Variants in BRINP1 observed in about 807,000 individuals in gnomAD.
The protein encoded by BRINP1 is BMP/retinoic acid-inducible neural-specific protein 1.
Under a neutral mutation model 72.9 loss-of-function variants are expected in BRINP1, and 17 were observed. The ratio of observed to expected loss-of-function variants is 0.23; its 90% CI spans 0.16 to 0.35. The LOEUF is 0.35. Among genes scored for constraint, BRINP1 ranks in the 10% least tolerant of loss-of-function variants. The pLI is 1.00. For synonymous variants in BRINP1, 418 were observed against 378.5 expected (o/e 1.10, Z -1.21); for missense variants, 850 against 1,001.6 (o/e 0.85, Z 2.04).
At chr9:119,240,235 C>T (rs1830233826) in intron 4 of BRINP1, among the ~76,000 whole-genome samples, 1 of 152,158 alleles carries the variant, frequency 6.6e-6, no homozygotes, top group South Asian at 2.1e-4. Flanking sequence ...TGCCATTGCA[C>T]TCCAGCCTGG....
In BRINP1 at chr9:119,294,853, T is replaced by TAAAAAAAAAA. The variant is rs59715609; in HGVS notation, c.218+18275_218+18284dup. On this transcript the variant is annotated intron_variant, in intron 2 of 7. Transcript: ENST00000265922. Reference sequence around the variant, plus strand: ...CCTGAGCAACAGAGTGACACTACGTTAAAAAAAAAAAAAAAAAAGACACAC... The same window carrying TAAAAAAAAAA: ...CCTGAGCAACAGAGTGACACTACGTTAAAAAAAAAAAAAAAAAAAAAAAAAAAAGACACAC... 3.1e-5 allele frequency among the ~76,000 whole-genome samples: 4 copies of TAAAAAAAAAA among 128,026 alleles called. No individual in the cohort carries two copies. The East Asian group carries it at 6.8e-4, about 22-fold the overall frequency. The allele number at this position is 128,026 out of a possible 152,430, so 84.0% of individuals were successfully genotyped here.
intron 1 of BRINP1, among the ~76,000 whole-genome samples, chr9:119,343,996 C>A (rs1312506990): frequency 6.6e-6 from 1 of 152,196 alleles, no homozygotes; most frequent in Admixed American, 6.5e-5. Context: ...TCCTCAATCA[C>A]AACCCTTTTA....
At chr9:119,288,708 G>A (rs893801984) in intron 2 of BRINP1, among the ~76,000 whole-genome samples, 2 of 152,184 alleles carry the variant, frequency 1.3e-5, no homozygotes, top group African/African-American at 4.8e-5. Context: ...CACATAGTAG[G>A]TGCTCACTAA....
At chr9:119,191,687 T>C (rs767366044) in intron 7 of BRINP1, among the ~76,000 whole-genome samples, 5 of 151,828 alleles carry the variant, frequency 3.3e-5, no homozygotes, top group Non-Finnish European at 7.4e-5. Context: ...ATTCACACTA[T>C]TCAAAGCAAT....
At chr9:119,223,009 T>C (rs933946890) in intron 5 of BRINP1, among the ~76,000 whole-genome samples, 4 of 152,040 alleles carry the variant, frequency 2.6e-5, no homozygotes, top group African/African-American at 9.7e-5. Flanking sequence ...AATTATTCTC[T>C]TACCCATCTC....
chr9:119,347,980 A>C (rs1469504131), intron 1 of BRINP1, among the ~76,000 whole-genome samples: 1 of 152,136 alleles, frequency 6.6e-6, no homozygotes, highest in Non-Finnish European at 1.5e-5. Flanking sequence ...ATTATCACCC[A>C]AAGTCCATAG....
intron 2 of BRINP1, among the ~76,000 whole-genome samples, chr9:119,255,547 T>C (rs1564230164): frequency 6.6e-6 from 1 of 152,208 alleles, no homozygotes; most frequent in Non-Finnish European, 1.5e-5. Context: ...ATTGCCTGTA[T>C]AGGAATCCTC....
intron 2 of BRINP1, among the ~76,000 whole-genome samples, chr9:119,261,816 T>G (rs969982847): frequency 3.3e-5 from 5 of 151,726 alleles, no homozygotes; most frequent in Non-Finnish European, 7.4e-5. Context: ...CCTTTCTTCC[T>G]TCGTTTATTC....
chr9:119,283,085 G>A (rs76514960), intron 2 of BRINP1: 1 of 985,270 alleles, frequency 1.0e-6, no homozygotes, highest in Non-Finnish European at 1.2e-6. Context: ...AAGAGGACCA[G>A]ACTAGCAGTT....
intron 1 of BRINP1, among the ~76,000 whole-genome samples, chr9:119,328,208 C>G (rs1028323549): frequency 6.6e-6 from 1 of 152,198 alleles, no homozygotes; most frequent in Admixed American, 6.5e-5. Flanking sequence ...GTTTCAAAGG[C>G]TACAGAGTGC....
At chr9:119,239,906 T>C (rs551554255) in intron 4 of BRINP1, among the ~76,000 whole-genome samples, 1 of 152,266 alleles carries the variant, frequency 6.6e-6, no homozygotes, top group East Asian at 1.9e-4. Context: ...CAATTTACTT[T>C]CCTAAAGATA....
intron 2 of BRINP1, among the ~76,000 whole-genome samples, chr9:119,307,059 G>A (rs191930856): frequency 6.6e-6 from 1 of 151,748 alleles, no homozygotes; most frequent in African/African-American, 2.4e-5. Context: ...CTGAAAGTAT[G>A]TTGGATAACT....
chr9:119,242,054 G>A lies in BRINP1; in HGVS notation c.572C>T (p.Ala191Val). Residue 191 changes from alanine (A) to valine (V), a missense_variant, in exon 4 of 8, where the codon GCA becomes GTA. By Grantham distance (64) the Ala-to-Val change is moderately conservative (BLOSUM62 0). Coordinates refer to ENST00000265922, the MANE Select transcript of BRINP1 (RefSeq NM_014618.3). The part of the protein sequence containing the change: ...RLHEIQISTG[A>V]IKVTETRTGP... ...TCCACCCCGGAGCTGTACCTTGATT[G>A]CTCCAGTTGATATCTGGATCTCATG... 4 of 1,613,628 alleles carry A rather than the reference G, an allele frequency of 2.5e-6. No individual in the cohort carries two copies. Among genetic ancestry groups the A allele is most frequent in the Non-Finnish European group, 2.5e-6 (3 of 1,179,930 alleles).
At position 119,278,534 on chromosome 9, in the gene BRINP1, G is replaced by A. The variant is rs895971883; in HGVS notation, c.219-29384C>T. Among the ~76,000 whole-genome samples, 10 of 152,340 alleles carry A rather than the reference G, an allele frequency of 6.6e-5. No homozygotes were observed. The South Asian group carries it at 1.9e-3, about 28-fold the overall frequency. ...TGGATAAAGGGGCCTTAGGAACTAA[G>A]GGATGCCCTGTAAGAAGTGAGTAAA... On this transcript the variant is annotated intron_variant, in intron 2 of 7. Coordinates refer to ENST00000265922, the MANE Select transcript of BRINP1 (RefSeq NM_014618.3).
At chr9:119,367,603 G>C (rs1440666190) in intron 1 of BRINP1, among the ~76,000 whole-genome samples, 2 of 152,130 alleles carry the variant, frequency 1.3e-5, no homozygotes, top group African/African-American at 4.8e-5. Flanking sequence ...CCTCCCAGGA[G>C]ATGGAGGAAA....
chr9:119,169,601 G>C (rs1016174390), intron 7 of BRINP1, among the ~76,000 whole-genome samples: 2 of 152,170 alleles, frequency 1.3e-5, no homozygotes, highest in South Asian at 2.1e-4. Flanking sequence ...CAAAGCAGCC[G>C]GGAAGCTCGA....
intron 2 of BRINP1, among the ~76,000 whole-genome samples, chr9:119,301,530 G>C (rs1398135472): frequency 1.3e-5 from 2 of 152,224 alleles, no homozygotes; most frequent in Non-Finnish European, 2.9e-5. Context: ...TAGAGGATGA[G>C]AGAGAGGTTT....
At chr9:119,334,066 A>T (rs570071929) in intron 1 of BRINP1, among the ~76,000 whole-genome samples, 1 of 152,160 alleles carries the variant, frequency 6.6e-6, no homozygotes, top group Non-Finnish European at 1.5e-5. Context: ...GCAGTCTGAG[A>T]AGAAGGCCGC....
chr9:119,286,748 G>T (rs1830765332), intron 2 of BRINP1, among the ~76,000 whole-genome samples: 1 of 152,166 alleles, frequency 6.6e-6, no homozygotes, highest in Non-Finnish European at 1.5e-5. Flanking sequence ...AGACAGTCAT[G>T]CCTGCTATAC....
Sources: gnomAD v4.1 joint callset for allele counts (sites outside exome capture counted in the v4.1 genomes callset) on GRCh38, gnomAD v4.1.1 for gene constraint, MANE v1.5 for transcripts, NCBI Gene and HGNC (gene_info 2026-07-23, HGNC 2026-07-21) for gene names.